Variants in QKI observed in about 807,000 individuals in gnomAD.
QKI encodes the protein KH domain-containing RNA-binding protein QKI.
In QKI, 10 loss-of-function variants were observed where a neutral mutation model predicts 39.0. That is an observed-to-expected ratio of 0.26 (90% CI 0.16 to 0.43). QKI has a LOEUF of 0.43. Among genes scored for constraint, QKI ranks in the 20% least tolerant of loss-of-function variants. QKI has a pLI of 1.00. For synonymous variants in QKI, 204 were observed against 155.4 expected, an observed-to-expected ratio of 1.31 and a Z score of -2.33; for missense variants, 218 against 428.0, an observed-to-expected ratio of 0.51 and a Z score of 4.33.
intron 3 of QKI, among the ~76,000 whole-genome samples, chr6:163,524,133 G>C (rs1304949858): frequency 6.6e-6 from 1 of 152,104 alleles, no homozygotes; most frequent in East Asian, 1.9e-4. Context: ...AACTGTACCG[G>C]TCGTCCTTTA....
chr6:163,473,596 G>A (rs995715405), intron 2 of QKI, among the ~76,000 whole-genome samples: 2 of 152,004 alleles, frequency 1.3e-5, no homozygotes, highest in Non-Finnish European at 2.9e-5. Context: ...AAATAAATTA[G>A]GCATCTATTT....
chr6:163,539,579 C>T (rs1305781558), intron 4 of QKI, among the ~76,000 whole-genome samples: 1 of 152,066 alleles, frequency 6.6e-6, no homozygotes, highest in Non-Finnish European at 1.5e-5. Context: ...AAATAGGCAG[C>T]GGCAGAATGT....
rs913750469 is a variant in QKI at position 163,416,067 on chromosome 6, G to A, written c.142+732G>A. On this transcript the variant is annotated intron_variant, in intron 1 of 7. Transcript: ENST00000361752. ...ACTTTTCGGGGGTGGGGGGGGGGGG[G>A]GTGGAGTGCGAAATAACGCGATGAC... 5 of 76,726 alleles carry A rather than the reference G, an allele frequency of 6.5e-5. 1 individual carries two copies. Among genetic ancestry groups the A allele is most frequent in the Non-Finnish European group, 1.3e-4 (5 of 39,916 alleles). The allele number at this position is 76,726 out of a possible 1,614,324, so 4.8% of individuals were successfully genotyped here. A position where few individuals can be genotyped will look rare whatever the true frequency, so the allele number is the denominator to read the frequency against.
chr6:163,500,996 A>G (rs2038147), intron 3 of QKI, among the ~76,000 whole-genome samples: 119,213 of 151,994 alleles, frequency 0.78, 46,868 homozygotes, highest in East Asian at 0.94. Flanking sequence ...AACCCACAAA[A>G]TAAGATGAAA....
At chr6:163,517,085 C>CTCTCTCTT (rs1562505646) in intron 3 of QKI, among the ~76,000 whole-genome samples, 2 of 79,906 alleles carry the variant, frequency 2.5e-5, no homozygotes, top group African/African-American at 5.4e-5. Flanking sequence ...CTCTCTTTCT[C>CTCTCTCTT]TCTCTCTCTC....
intron 3 of QKI, among the ~76,000 whole-genome samples, chr6:163,481,308 T>C (rs1476545859): frequency 6.6e-6 from 1 of 152,214 alleles, no homozygotes; most frequent in Admixed American, 6.5e-5. Context: ...ACTGATTGCC[T>C]GTTTTACTTT....
rs979154254 is a variant in QKI, at chr6:163,526,743, C to A, written c.403-8239C>A. Among the ~76,000 whole-genome samples, 8 of 152,284 alleles carry A rather than the reference C, an allele frequency of 5.3e-5. No homozygotes were observed. In the South Asian group the frequency reaches 6.2e-4, roughly 12 times the overall value. On this transcript the variant is annotated intron_variant, in intron 3 of 7. Coordinates refer to ENST00000361752, the MANE Select transcript of QKI (RefSeq NM_006775.3). ...GATCATATTCAGCTTTTCAACTGAT[C>A]TTGTTCAGAATTGTTTCTGCATGCT...
At chr6:163,507,509 G>T (rs1037135716) in intron 3 of QKI, among the ~76,000 whole-genome samples, 2 of 152,156 alleles carry the variant, frequency 1.3e-5, no homozygotes, top group African/African-American at 4.8e-5. Flanking sequence ...CACATTAGGT[G>T]GCACTCATTC....
chr6:163,528,170 A>T (rs149281592), intron 3 of QKI, among the ~76,000 whole-genome samples: 425 of 152,240 alleles, frequency 2.8e-3, no homozygotes, highest in Middle Eastern at 6.8e-3. Flanking sequence ...ACAAAACCAA[A>T]TCTACTAAAT....
At position 163,574,179 on chromosome 6, in the gene QKI, G is replaced by A. The variant is rs1366159101; in HGVS notation, c.*3469G>A. ...GTCTGCTCACAGCATCGAGTAAAAA[G>A]ATACATTGTCATGGTATATACCTGG... is the stretch of plus-strand genomic sequence containing the variant. On this transcript the variant is annotated 3_prime_UTR_variant, in exon 8 of 8. Transcript: ENST00000361752. 1 of 152,116 alleles carries A rather than the reference G, an allele frequency of 6.6e-6. No homozygotes were observed. Among genetic ancestry groups the A allele is most frequent in the Non-Finnish European group, 1.5e-5 (1 of 68,038 alleles). The allele number at this position is 152,116 out of a possible 1,614,324, so 9.4% of individuals were successfully genotyped here. A position where few individuals can be genotyped will look rare whatever the true frequency, so the allele number is the denominator to read the frequency against.
At position 163,563,622 on chromosome 6, in the gene QKI, C is replaced by T. The variant is rs569768147; in HGVS notation, c.837C>T (p.Pro279=). 55 of 1,614,104 alleles carry T rather than the reference C, an allele frequency of 3.4e-5. No homozygotes were observed. The Admixed American group carries it at 3.7e-4, about 11-fold the overall frequency. Residue 279 remains proline (P), a synonymous_variant, in exon 6 of 8, where the codon CCC becomes CCT. Transcript: ENST00000361752. ...HPTAAIVPPG[P]EAGLIYTPYE... is the part of the protein sequence containing the mutation. ...CTGCTGCAATAGTTCCTCCAGGGCC[C>T]GAAGCTGGTTTAATCTATACACCCT...
chr6:163,545,183 C>G lies in QKI; in HGVS notation c.546+10058C>G, dbSNP rs143778762. Among the ~76,000 whole-genome samples, 48 of 152,220 alleles carry G rather than the reference C, an allele frequency of 3.2e-4. No individual in the cohort carries two copies. In the East Asian group the frequency reaches 8.5e-3, roughly 27 times the overall value. On this transcript the variant is annotated intron_variant, in intron 4 of 7. Coordinates refer to ENST00000361752, the MANE Select transcript of QKI (RefSeq NM_006775.3). ...GGAAAAATGATGGCGGAGAAAAGCA[C>G]TGCAGAAATTTAAATGTGCTGATTT...
At chr6:163,480,442 G>A (rs927875634) in intron 3 of QKI, among the ~76,000 whole-genome samples, 4 of 152,008 alleles carry the variant, frequency 2.6e-5, no homozygotes, top group South Asian at 2.1e-4. Context: ...TGAGCCCTCC[G>A]CCTCATGTCT....
intron 4 of QKI, among the ~76,000 whole-genome samples, chr6:163,552,302 G>C (rs551733741): frequency 7.2e-6 from 1 of 138,564 alleles, no homozygotes; most frequent in African/African-American, 2.7e-5. Context: ...TCCACCTCCC[G>C]GGTTCATGCC....
chr6:163,473,418 C>T (rs1279599941), intron 2 of QKI, among the ~76,000 whole-genome samples: 2 of 152,092 alleles, frequency 1.3e-5, no homozygotes, highest in Admixed American at 1.3e-4. Context: ...ATGGCATGGA[C>T]ACAATGAGGG....
intron 4 of QKI, among the ~76,000 whole-genome samples, chr6:163,537,847 T>A (rs1012791433): frequency 6.6e-6 from 1 of 152,220 alleles, no homozygotes; most frequent in African/African-American, 2.4e-5. Context: ...CAAACCCATC[T>A]TTACTTTGCA....
chr6:163,455,248 C>T (rs1463901702), intron 1 of QKI, 31 bp from the exon 2 acceptor site: 1 of 1,574,724 alleles, frequency 6.4e-7, no homozygotes, highest in Admixed American at 1.8e-5. Context: ...TTTTTTTTGT[C>T]TAACACATTT....
At chr6:163,417,526 G>C (rs1213983600) in intron 1 of QKI, among the ~76,000 whole-genome samples, 6 of 152,060 alleles carry the variant, frequency 3.9e-5, no homozygotes, top group African/African-American at 9.7e-5. Context: ...CTGATTCCTT[G>C]TTATCAAGTT....
At chr6:163,496,967 G>A (rs1245870484) in intron 3 of QKI, among the ~76,000 whole-genome samples, 2 of 152,080 alleles carry the variant, frequency 1.3e-5, no homozygotes, top group Non-Finnish European at 2.9e-5. Context: ...AAGGGAATAT[G>A]TTCATTGAGA....
Sources: allele counts gnomAD v4.1 joint callset (sites outside exome capture counted in the v4.1 genomes callset), GRCh38; gene constraint gnomAD v4.1.1; transcripts MANE v1.5; gene names NCBI Gene and HGNC (gene_info 2026-07-23, HGNC 2026-07-21).